PCDHA2: variants seen among roughly 807,000 people sequenced by gnomAD.
PCDHA2 encodes protocadherin alpha 2.
In PCDHA2, 58 loss-of-function variants were observed where a neutral mutation model predicts 66.0. That is an observed-to-expected ratio of 0.88 (90% CI 0.71 to 1.09). PCDHA2 has a LOEUF of 1.09. Ranked by LOEUF, PCDHA2 falls within the 50% of genes least tolerant of loss-of-function variation. PCDHA2 has a pLI of 0.00. For missense variants in PCDHA2, 1,267 were observed against 1,242.3 expected, an observed-to-expected ratio of 1.02 and a Z score of -0.30; for synonymous variants, 634 against 554.0, an observed-to-expected ratio of 1.14 and a Z score of -2.03.
At chr5:140,899,175 C>G (rs1219166721) in intron 1 of PCDHA2, among the ~76,000 whole-genome samples, 2 of 152,034 alleles carry the variant, frequency 1.3e-5, no homozygotes, top group African/African-American at 4.8e-5. Flanking sequence ...AATTGAATAC[C>G]CTTTATTTCC....
rs267600383 is a variant in PCDHA2, at chr5:140,796,787, C to T, written c.1823C>T (p.Ser608Leu). The stretch of plus-strand genomic sequence containing the variant: ...GACTCAGGCTACAACGCGTGGCTTT[C>T]GTACGAGCTTCAGCTGGGTACTGGC... Reference protein sequence around the residue: ...DADSGYNAWLSYELQLGTGSA... With the variant: ...DADSGYNAWLLYELQLGTGSA... Residue 608 changes from serine (S) to leucine (L), a missense_variant, in exon 1 of 4, where the codon TCG (serine) becomes TTG (leucine). Physicochemically the swap from Ser to Leu is moderately radical, Grantham distance 145. Coordinates refer to ENST00000526136, the MANE Select transcript of PCDHA2 (RefSeq NM_018905.3). The T allele has an allele frequency of 6.2e-7, 1 of 1,614,132 alleles. No individual in the cohort carries two copies. Among genetic ancestry groups the T allele is most frequent in the East Asian group, 2.2e-5 (1 of 44,872 alleles).
rs1019397100 is a variant in PCDHA2, at chr5:140,953,409, G to A, written c.2389-25540G>A. On this transcript the variant is annotated intron_variant, in intron 1 of 3. Transcript: ENST00000526136. ...TGTGGATTACAGTGCTGTTGCTCCTGGCTCCTCCCCTTTGTCCTTAAGCTG... is the reference window on the plus strand; with the variant it reads ...TGTGGATTACAGTGCTGTTGCTCCTAGCTCCTCCCCTTTGTCCTTAAGCTG... Among the ~76,000 whole-genome samples, 14 of 152,194 alleles carry A rather than the reference G, an allele frequency of 9.2e-5. No individual in the cohort carries two copies. The South Asian group carries it at 2.9e-3, about 32-fold the overall frequency.
intron 3 of PCDHA2, among the ~76,000 whole-genome samples, chr5:141,006,384 T>G (rs181638891): frequency 6.6e-6 from 1 of 152,126 alleles, no homozygotes; most frequent in African/African-American, 2.4e-5. Flanking sequence ...GCTAAGTTTT[T>G]TCTATTTTTT....
At chr5:140,884,320 A>T in intron 1 of PCDHA2, 1 of 1,613,806 alleles carries the variant, frequency 6.2e-7, no homozygotes, top group Non-Finnish European at 8.5e-7. Context: ...GGGCGTCGGC[A>T]GGCGCTGTGG....
intron 1 of PCDHA2, chr5:140,841,697 G>A (rs1777423806): frequency 2.5e-6 from 4 of 1,613,882 alleles, no homozygotes; most frequent in African/African-American, 1.3e-5. Flanking sequence ...GGTGAAGGAT[G>A]TTAATGACAA....
chr5:140,941,241 T>TTCTTTCTTTC (rs2092943774), intron 1 of PCDHA2, among the ~76,000 whole-genome samples: 1 of 140,458 alleles, frequency 7.1e-6, no homozygotes, highest in African/African-American at 2.7e-5. Flanking sequence ...CTTTCTTTCT[T>TTCTTTCTTTC]TCTTTCTTTC....
At chr5:140,917,650 T>C (rs897307157) in intron 1 of PCDHA2, among the ~76,000 whole-genome samples, 1 of 152,226 alleles carries the variant, frequency 6.6e-6, no homozygotes. Context: ...CCAGCAATAT[T>C]GAGTAGGAAG....
intron 1 of PCDHA2, among the ~76,000 whole-genome samples, chr5:140,971,045 T>C (rs2096453995): frequency 6.6e-6 from 1 of 152,090 alleles, no homozygotes; most frequent in East Asian, 1.9e-4. Context: ...CGTAAAAGGG[T>C]TTAGCTTTAA....
chr5:141,009,573 G>T, intron 3 of PCDHA2, 54 bp from the exon 4 acceptor site: 2 of 1,580,662 alleles, frequency 1.3e-6, no homozygotes, highest in South Asian at 1.2e-5. Context: ...CAGCAGTGTG[G>T]CATCAAGAGC....
intron 1 of PCDHA2, among the ~76,000 whole-genome samples, chr5:140,955,093 G>A (rs1554221774): frequency 6.6e-6 from 1 of 152,118 alleles, no homozygotes; most frequent in African/African-American, 2.4e-5. Flanking sequence ...TAGGTGTGTG[G>A]TGTTATTTCT....
intron 3 of PCDHA2, among the ~76,000 whole-genome samples, chr5:141,006,156 TA>T (rs1554260585): frequency 6.6e-6 from 1 of 151,588 alleles, no homozygotes; most frequent in East Asian, 1.9e-4. Flanking sequence ...AGGAGTGATA[TA>T]ATCTGATTTA....
chr5:140,807,023 A>C (rs1763831749), intron 1 of PCDHA2: 2 of 827,224 alleles, frequency 2.4e-6, no homozygotes, highest in South Asian at 3.6e-5. Flanking sequence ...ACATGAGAGA[A>C]GGAGGAAGAA....
At chr5:140,863,106 C>G (rs782630265) in intron 1 of PCDHA2, 1 of 582,196 alleles carries the variant, frequency 1.7e-6, no homozygotes, top group Non-Finnish European at 3.4e-6. Context: ...GTACCCTGGA[C>G]GAGGCGAAAG....
chr5:140,818,627 A>C (rs1301617246), intron 1 of PCDHA2, among the ~76,000 whole-genome samples: 8 of 152,204 alleles, frequency 5.3e-5, no homozygotes, highest in African/African-American at 1.9e-4. Context: ...GCTTGAGCCC[A>C]GGAGTTCAAG....
At chr5:140,966,818 C>T in intron 1 of PCDHA2, 1 of 1,554,294 alleles carries the variant, frequency 6.4e-7, no homozygotes, top group Admixed American at 1.9e-5. Flanking sequence ...ACGGCTCCGG[C>T]GGCCCATGCC....
In PCDHA2 at chr5:140,796,839, G is replaced by A; in HGVS notation, c.1875G>A (p.Gly625=). ...TGSARIPFRV[G]LYTGEISTTR... is the part of the protein sequence containing the mutation. ...GCGCTCGCATCCCGTTCCGCGTGGG[G>A]CTATACACGGGTGAGATCAGCACGA... Residue 625 remains glycine (G), a synonymous_variant, in exon 1 of 4, where the codon GGG becomes GGA. Coordinates refer to ENST00000526136, the MANE Select transcript of PCDHA2 (RefSeq NM_018905.3). 6.2e-7 allele frequency: 1 copy of A among 1,614,102 alleles called. No homozygotes were observed. Among genetic ancestry groups the A allele is most frequent in the Non-Finnish European group, 8.5e-7 (1 of 1,179,980 alleles).
chr5:140,919,847 G>A (rs1309572866), intron 1 of PCDHA2, among the ~76,000 whole-genome samples: 1 of 152,200 alleles, frequency 6.6e-6, no homozygotes, highest in East Asian at 1.9e-4. Flanking sequence ...TTTGGAACCT[G>A]TGACCTCATT....
intron 1 of PCDHA2, chr5:140,801,251 T>C: frequency 1.9e-6 from 3 of 1,613,742 alleles, no homozygotes; most frequent in East Asian, 2.2e-5. Flanking sequence ...TGCTTTCTCT[T>C]CTGCTCCTCG....
intron 1 of PCDHA2, among the ~76,000 whole-genome samples, chr5:140,946,611 A>AAT (rs1554217734): frequency 0.018 from 1,579 of 86,716 alleles, 89 homozygotes; most frequent in African/African-American, 0.026. Flanking sequence ...GAAAATGTGA[A>AAT]ATATATATAT....
Sources: gnomAD v4.1 joint callset for allele counts (sites outside exome capture counted in the v4.1 genomes callset) on GRCh38, gnomAD v4.1.1 for gene constraint, MANE v1.5 for transcripts, NCBI Gene and HGNC (gene_info 2026-07-23, HGNC 2026-07-21) for gene names.